WFDC6: variants seen among roughly 807,000 people sequenced by gnomAD.
WFDC6 encodes the protein WAP four-disulfide core domain protein 6.
Under a neutral mutation model 8.2 loss-of-function variants are expected in WFDC6, and 10 were observed. The observed-to-expected ratio is 1.22, with a 90% CI of 0.75 to 2.07. The LOEUF is 2.07. Ranked by LOEUF, WFDC6 falls within the 30% of genes most tolerant of loss-of-function variation. WFDC6 has a pLI of 0.00. For synonymous variants in WFDC6, 28 were observed against 37.0 expected (o/e 0.76, Z 0.88); for missense variants, 105 against 104.9 (o/e 1.00, Z 0.00).
At position 45,534,406 on chromosome 20, in the gene WFDC6, T is replaced by A; in HGVS notation, c.*61A>T. ...CCAAGGTTTGGCCCGTGGAAGCCAA[T>A]TTGGAGCATCAATCAGGCACACGTG... is the stretch of plus-strand genomic sequence containing the variant. On this transcript the variant is annotated 3_prime_UTR_variant, in exon 3 of 3. Coordinates refer to ENST00000372670, the MANE Select transcript of WFDC6 (RefSeq NM_080827.2). 6.2e-7 allele frequency: 1 copy of A among 1,607,338 alleles called. No individual in the cohort carries two copies.
At chr20:45,538,643 C>T (rs1979466383) in intron 1 of WFDC6, among the ~76,000 whole-genome samples, 1 of 152,190 alleles carries the variant, frequency 6.6e-6, no homozygotes, top group Admixed American at 6.5e-5. Context: ...TTACTGTGAG[C>T]TGCCTTTTCT....
chr20:45,534,412 G>A lies in WFDC6; in HGVS notation c.*55C>T. The A allele has an allele frequency of 6.2e-7, 1 of 1,609,596 alleles. No homozygotes were observed. The highest frequency in any genetic ancestry group is 8.5e-7 in the Non-Finnish European group (1 of 1,175,976). On this transcript the variant is annotated 3_prime_UTR_variant, in exon 3 of 3. Coordinates refer to ENST00000372670, the MANE Select transcript of WFDC6 (RefSeq NM_080827.2). ...TTTGGCCCGTGGAAGCCAATTTGGAGCATCAATCAGGCACACGTGGAGAGA... is the reference window on the plus strand; with the variant it reads ...TTTGGCCCGTGGAAGCCAATTTGGAACATCAATCAGGCACACGTGGAGAGA...
Position 45,538,168 on chromosome 20 carries a change from C to T in WFDC6, c.92-74G>A. On this transcript the variant is annotated intron_variant, in intron 1 of 2. Coordinates refer to ENST00000372670, the MANE Select transcript of WFDC6 (RefSeq NM_080827.2). Reference sequence around the variant, plus strand: ...CTCCCCCTCCCCGAGACCAGGGCACCCCTCCAGAGTTAGAGAACTTTGTTT... The same window carrying T: ...CTCCCCCTCCCCGAGACCAGGGCACTCCTCCAGAGTTAGAGAACTTTGTTT... The T allele has an allele frequency of 2.5e-6, 4 of 1,605,890 alleles. No individual in the cohort carries two copies. The South Asian group carries it at 4.4e-5, about 18-fold the overall frequency.
chr20:45,535,433 G>A (rs768135397), intron 2 of WFDC6: 47 of 1,180,868 alleles, frequency 4.0e-5, no homozygotes, highest in Non-Finnish European at 4.8e-5. Flanking sequence ...CCACTGAGAA[G>A]CAAATTTGCC....
In WFDC6 at chr20:45,537,948, G is replaced by GA; in HGVS notation, c.222+15dup. 5 of 1,613,870 alleles carry GA rather than the reference G, an allele frequency of 3.1e-6. No homozygotes were observed. The highest frequency in any genetic ancestry group is 4.2e-6 in the Non-Finnish European group (5 of 1,179,858). On this transcript the variant is annotated intron_variant, in intron 2 of 2. Coordinates refer to ENST00000372670, the MANE Select transcript of WFDC6 (RefSeq NM_080827.2). ...GAGGTGAGGGCACTGGGTAATTTAGGAAGCATCTGAGTTACCTTTCTGAAG... is the reference window on the plus strand; with the variant it reads ...GAGGTGAGGGCACTGGGTAATTTAGGAAAGCATCTGAGTTACCTTTCTGAAG...
intron 2 of WFDC6, chr20:45,535,283 T>C: frequency 1.5e-6 from 2 of 1,304,216 alleles, no homozygotes; most frequent in Non-Finnish European, 2.0e-6. Context: ...ACCAGTGTGG[T>C]ATGGAGGCCA....
At chr20:45,539,278 T>G in intron 1 of WFDC6, 39 bp downstream of exon 1, 1 of 1,587,978 alleles carries the variant, frequency 6.3e-7, no homozygotes, top group Non-Finnish European at 8.6e-7. Flanking sequence ...CCACTGAGTT[T>G]CCTTTCCCCA....
In WFDC6 at chr20:45,535,403, G is replaced by A. The variant is rs1979327747; in HGVS notation, c.223-898C>T. 4.9e-6 allele frequency: 6 copies of A among 1,214,224 alleles called. No individual in the cohort carries two copies. In the South Asian group the frequency reaches 9.1e-5, roughly 18 times the overall value. 75.2% of individuals were successfully genotyped at this position (1,214,224 alleles called of 1,614,324 possible). ...AGAATGTCCATCTCTCCCCTTCTCTGGCCACCATTCCCTTTGTCTCCACTG... is the reference window on the plus strand; with the variant it reads ...AGAATGTCCATCTCTCCCCTTCTCTAGCCACCATTCCCTTTGTCTCCACTG... On this transcript the variant is annotated intron_variant, in intron 2 of 2. Coordinates refer to ENST00000372670, the MANE Select transcript of WFDC6 (RefSeq NM_080827.2).
chr20:45,534,210 G>T lies in WFDC6; in HGVS notation c.*257C>A. On this transcript the variant is annotated 3_prime_UTR_variant, in exon 3 of 3. Coordinates refer to ENST00000372670, the MANE Select transcript of WFDC6 (RefSeq NM_080827.2). ...CCTCGGAGAGATCGGACCCCACAGA[G>T]CACTTTATTAAGGCAACTGAAGCCT... 1.8e-6 allele frequency: 1 copy of T among 551,888 alleles called. No homozygotes were observed. Among genetic ancestry groups the T allele is most frequent in the Non-Finnish European group, 3.3e-6 (1 of 307,322 alleles). 34.2% of individuals were successfully genotyped at this position (551,888 alleles called of 1,614,324 possible). A position where few individuals can be genotyped will look rare whatever the true frequency, so the allele number is the denominator to read the frequency against.
chr20:45,537,840 T>C, intron 2 of WFDC6, 124 bp downstream of exon 2: 4 of 1,533,950 alleles, frequency 2.6e-6, no homozygotes, highest in Non-Finnish European at 3.5e-6. Context: ...TTGTGTCAAG[T>C]AGAAGATGTA....
intron 2 of WFDC6, among the ~76,000 whole-genome samples, chr20:45,536,145 A>C (rs777170703): frequency 6.6e-6 from 1 of 152,028 alleles, no homozygotes; most frequent in African/African-American, 2.4e-5. Flanking sequence ...TGATTCCTCC[A>C]TGAGAATGTG....
At chr20:45,537,471 T>C in intron 2 of WFDC6, 2 of 1,440,964 alleles carry the variant, frequency 1.4e-6, no homozygotes, top group East Asian at 2.5e-5. Context: ...TAGAGCTCAA[T>C]AATATGGGCA....
At chr20:45,539,223 G>A in intron 1 of WFDC6, 94 bp downstream of exon 1, 1 of 1,275,636 alleles carries the variant, frequency 7.8e-7, no homozygotes. Context: ...CAGAGGTGGA[G>A]AAAATAATTT....
intron 1 of WFDC6, among the ~76,000 whole-genome samples, chr20:45,538,338 TGAGA>T (rs1398303343): frequency 6.6e-6 from 1 of 152,212 alleles, no homozygotes; most frequent in African/African-American, 2.4e-5. Flanking sequence ...ATGAGATTCC[TGAGA>T]GAAAGACGCA....
chr20:45,535,226 C>T (rs1600869396), intron 2 of WFDC6: 1 of 1,304,294 alleles, frequency 7.7e-7, no homozygotes, highest in Non-Finnish European at 1.0e-6. Context: ...CCCCTGGCTA[C>T]CGCCATAGAT....
intron 2 of WFDC6, chr20:45,537,627 A>G: frequency 6.9e-7 from 1 of 1,446,918 alleles, no homozygotes; most frequent in African/African-American, 1.4e-5. Context: ...CAATGTTGGC[A>G]TTTGATGAGA....
At chr20:45,539,254 T>C in intron 1 of WFDC6, 63 bp downstream of exon 1, 1 of 1,503,544 alleles carries the variant, frequency 6.7e-7, no homozygotes, top group Admixed American at 1.7e-5. Context: ...AAATTATTCT[T>C]TGTTCCTTCC....
intron 2 of WFDC6, chr20:45,537,170 G>C (rs565871123): frequency 4.0e-6 from 1 of 253,136 alleles, no homozygotes; most frequent in Admixed American, 4.6e-5. Context: ...CCAGTTTCCT[G>C]TTTCTTGTCT....
intron 1 of WFDC6, among the ~76,000 whole-genome samples, chr20:45,538,763 G>A (rs2145544758): frequency 6.6e-6 from 1 of 152,300 alleles, no homozygotes; most frequent in South Asian, 2.1e-4. Context: ...AGATCACACA[G>A]CTACTCAGGG....
Sources: gnomAD v4.1 joint callset for allele counts (sites outside exome capture counted in the v4.1 genomes callset) on GRCh38, gnomAD v4.1.1 for gene constraint, MANE v1.5 for transcripts, NCBI Gene and HGNC (gene_info 2026-07-23, HGNC 2026-07-21) for gene names.